PCDHGA2: variants seen among roughly 807,000 people sequenced by gnomAD.
The protein encoded by PCDHGA2 is protocadherin gamma-A2.
Under a neutral mutation model 59.2 loss-of-function variants are expected in PCDHGA2, and 40 were observed. That is an observed-to-expected ratio of 0.68 (90% CI 0.52 to 0.88). The LOEUF (loss-of-function observed/expected upper bound fraction) is 0.88. Among genes scored for constraint, PCDHGA2 ranks in the 40% least tolerant of loss-of-function variants. The pLI, the probability that PCDHGA2 is intolerant of heterozygous loss-of-function variation, is 0.00. For missense variants in PCDHGA2, 1,226 were observed against 1,204.0 expected (o/e 1.02, Z -0.27); for synonymous variants, 560 against 526.0 (o/e 1.06, Z -0.89).
chr5:141,399,448 G>A (rs1272959259), intron 1 of PCDHGA2: 5 of 1,613,872 alleles, frequency 3.1e-6, no homozygotes, highest in Non-Finnish European at 4.2e-6. Flanking sequence ...TATCAGAGAC[G>A]TCAACGATAA....
At chr5:141,373,075 G>T (rs1337771380) in intron 1 of PCDHGA2, among the ~76,000 whole-genome samples, 1 of 152,076 alleles carries the variant, frequency 6.6e-6, no homozygotes, top group Non-Finnish European at 1.5e-5. Flanking sequence ...TTTTAATACA[G>T]TATTATCTCA....
At chr5:141,361,983 C>T (rs1762266542) in intron 1 of PCDHGA2, 2 of 1,601,638 alleles carry the variant, frequency 1.2e-6, no homozygotes, top group East Asian at 2.2e-5. Flanking sequence ...AGCCCGGGCT[C>T]TTCAGCCTGG....
rs146372628 is a variant in PCDHGA2, at chr5:141,476,246, G to A, written c.2425-18561G>A. On this transcript the variant is annotated intron_variant, in intron 1 of 3. Coordinates refer to ENST00000394576, the MANE Select transcript of PCDHGA2 (RefSeq NM_018915.4). The surrounding 1 kb of genome is among the most constrained non-coding windows in gnomAD (Gnocchi z 7.6). ...TGAGATCCCGGAGGAAAGAGAGAAG[G>A]GTTTCGCTGTGGGCAACGTGGTCGC... 1.0e-3 allele frequency: 1,689 copies of A among 1,613,996 alleles called. 1 individual carries two copies. Among genetic ancestry groups the A allele is most frequent in the Non-Finnish European group, 1.3e-3 (1,557 of 1,180,008 alleles).
At chr5:141,488,331 T>C (rs535498873) in intron 1 of PCDHGA2, among the ~76,000 whole-genome samples, 22 of 152,218 alleles carry the variant, frequency 1.4e-4, no homozygotes, top group Non-Finnish European at 3.1e-4. Context: ...TACAGTTGGC[T>C]GATTCATAGA....
chr5:141,368,944 T>G (rs1765945640), intron 1 of PCDHGA2, among the ~76,000 whole-genome samples: 5 of 152,236 alleles, frequency 3.3e-5, no homozygotes, highest in Admixed American at 3.3e-4. Context: ...TTCTGGTTAC[T>G]GTGAGTAGTT....
chr5:141,470,100 G>A (rs1259251144), intron 1 of PCDHGA2, among the ~76,000 whole-genome samples: 2 of 152,178 alleles, frequency 1.3e-5, no homozygotes, highest in African/African-American at 4.8e-5. Context: ...CTACATTCCA[G>A]TCTGAGCAAC....
chr5:141,339,793 C>T lies in PCDHGA2; in HGVS notation c.822C>T (p.Tyr274=), dbSNP rs1319429933. The T allele has an allele frequency of 4.3e-6, 7 of 1,614,084 alleles. No individual in the cohort carries two copies. The African/African-American group carries it at 5.3e-5, about 12-fold the overall frequency. ...CCACTGACGCAGATGAGGGCTACTA[C>T]GCTCAAGTGGTATATTTTCTAGAGA... is the stretch of plus-strand genomic sequence containing the variant. ...VTATDADEGY[Y]AQVVYFLEKS... is the part of the protein sequence containing the mutation. The change falls in exon 1 of 4, where the codon TAC becomes TAT. Residue 274 remains tyrosine, a synonymous_variant. Transcript: ENST00000394576.
chr5:141,456,301 C>CA (rs761557752), intron 1 of PCDHGA2, among the ~76,000 whole-genome samples: 14 of 152,154 alleles, frequency 9.2e-5, no homozygotes, highest in Non-Finnish European at 1.6e-4. Flanking sequence ...TAATGGAGAA[C>CA]AGCAGCTAGG....
intron 1 of PCDHGA2, among the ~76,000 whole-genome samples, chr5:141,462,493 A>G (rs1432919197): frequency 2.0e-5 from 3 of 152,144 alleles, no homozygotes; most frequent in South Asian, 4.1e-4. Context: ...GTTGTATCCT[A>G]TAATTGTCAA....
At chr5:141,420,468 T>G in intron 1 of PCDHGA2, 1 of 799,886 alleles carries the variant, frequency 1.3e-6, no homozygotes, top group East Asian at 3.3e-5. Context: ...CAAAGACATT[T>G]TAAAGCAAAC....
At position 141,357,417 on chromosome 5, in the gene PCDHGA2, C is replaced by A. The variant is rs777789813; in HGVS notation, c.2424+16022C>A. On this transcript the variant is annotated intron_variant, in intron 1 of 3. Coordinates refer to ENST00000394576, the MANE Select transcript of PCDHGA2 (RefSeq NM_018915.4). ...GGTTGGCAGGTGTGCCTGCCTCGCA[C>A]TTTGTGGGCGTGGACGGGGTTCGGG... 5 of 1,614,254 alleles carry A rather than the reference C, an allele frequency of 3.1e-6. No individual in the cohort carries two copies. The South Asian group carries it at 4.4e-5, about 14-fold the overall frequency.
chr5:141,478,517 T>G (rs1593923092), intron 1 of PCDHGA2: 1 of 1,611,116 alleles, frequency 6.2e-7, no homozygotes, highest in Non-Finnish European at 8.5e-7. Context: ...TAGGCAGGTG[T>G]TGGGTGCAGA....
At chr5:141,492,402 C>A (rs1254310448) in intron 1 of PCDHGA2, among the ~76,000 whole-genome samples, 1 of 152,232 alleles carries the variant, frequency 6.6e-6, no homozygotes, top group African/African-American at 2.4e-5. Flanking sequence ...TCGCAGCTCC[C>A]CTCTGCCGCT....
At chr5:141,505,306 T>C in intron 2 of PCDHGA2, 87 bp from the exon 3 acceptor site, 4 of 1,596,550 alleles carry the variant, frequency 2.5e-6, no homozygotes, top group Non-Finnish European at 3.4e-6. Context: ...GTTAGGGTAC[T>C]AGGTTTGGGA....
At chr5:141,488,042 G>T (rs2099670966) in intron 1 of PCDHGA2, among the ~76,000 whole-genome samples, 1 of 152,168 alleles carries the variant, frequency 6.6e-6, no homozygotes, top group Non-Finnish European at 1.5e-5. Context: ...TTTCCCAAGG[G>T]ATTGAGGGGA....
At chr5:141,474,912 C>T (rs1018411233) in intron 1 of PCDHGA2, among the ~76,000 whole-genome samples, 6 of 152,214 alleles carry the variant, frequency 3.9e-5, no homozygotes, top group African/African-American at 1.2e-4. Flanking sequence ...CAAGGATATA[C>T]ATCTCATCTC....
intron 1 of PCDHGA2, among the ~76,000 whole-genome samples, chr5:141,438,771 C>T (rs1056879944): frequency 1.3e-5 from 2 of 149,126 alleles, no homozygotes; most frequent in Non-Finnish European, 3.0e-5. Flanking sequence ...AAGCGATTCT[C>T]CTGCCTCAGC....
Position 141,351,886 on chromosome 5 carries a change from G to T in PCDHGA2, c.2424+10491G>T, listed in dbSNP as rs377208230. ...GCTCCCCCGCGCTCAGCGCCAACGT[G>T]AGCCTGCGCGTGTTGGTGGGCGACC... On this transcript the variant is annotated intron_variant, in intron 1 of 3. Transcript: ENST00000394576. 2.5e-6 allele frequency: 4 copies of T among 1,613,292 alleles called. No homozygotes were observed. In the Admixed American group the frequency reaches 6.7e-5, roughly 27 times the overall value.
chr5:141,407,169 G>A (rs946090447), intron 1 of PCDHGA2, among the ~76,000 whole-genome samples: 3 of 152,146 alleles, frequency 2.0e-5, no homozygotes, highest in Non-Finnish European at 4.4e-5. Flanking sequence ...AATCCTTTAT[G>A]ACATACAGAC....
Sources: allele counts gnomAD v4.1 joint callset (sites outside exome capture counted in the v4.1 genomes callset), GRCh38; gene constraint gnomAD v4.1.1; non-coding constraint Gnocchi (gnomAD v3.1); transcripts MANE v1.5; gene names NCBI Gene and HGNC (gene_info 2026-07-23, HGNC 2026-07-21).